Variants in SPAG9 observed in about 807,000 individuals in gnomAD.
The protein encoded by SPAG9 is C-Jun-amino-terminal kinase-interacting protein 4.
A neutral mutation model predicts 166.5 loss-of-function variants in SPAG9; 35 were observed. That is an observed-to-expected ratio of 0.21 (90% CI 0.16 to 0.28). SPAG9 has a LOEUF of 0.28. Ranked by LOEUF, SPAG9 falls within the 10% of genes least tolerant of loss-of-function variation. The pLI is 1.00. For synonymous variants in SPAG9, 534 were observed against 565.5 expected (o/e 0.94, Z 0.79); for missense variants, 1,235 against 1,603.3 (o/e 0.77, Z 3.92).
At chr17:51,031,932 C>G in intron 5 of SPAG9, 1 of 666,934 alleles carries the variant, frequency 1.5e-6, no homozygotes, top group Non-Finnish European at 2.8e-6. Context: ...CAGAAGCCAC[C>G]ACTTGGATCA....
intron 1 of SPAG9, among the ~76,000 whole-genome samples, chr17:51,100,474 G>A (rs1218328361): frequency 1.3e-5 from 2 of 152,142 alleles, no homozygotes; most frequent in East Asian, 3.9e-4. Context: ...ACATGGTGGT[G>A]TCTGGCTTGA....
At position 51,120,498 on chromosome 17, in the gene SPAG9, C is replaced by T. The variant is rs756812720; in HGVS notation, c.159G>A (p.Leu53=). The T allele has an allele frequency of 4.3e-6, 7 of 1,613,914 alleles. No homozygotes were observed. In the African/African-American group the frequency reaches 6.7e-5, roughly 15 times the overall value. ...CCAGGTTCTCCAGCACAGCCACCACCAGCGGCATCAGCTCTTTGACCACCT... is the reference window on the plus strand; with the variant it reads ...CCAGGTTCTCCAGCACAGCCACCACTAGCGGCATCAGCTCTTTGACCACCT... The part of the protein sequence containing the change: ...DEEVVKELMP[L]VVAVLENLDS... The change falls in exon 1 of 30, where the codon CTG becomes CTA. Residue 53 remains leucine (L), a synonymous_variant. Transcript: ENST00000262013. The surrounding 1 kb of genome is among the most constrained non-coding windows in gnomAD (Gnocchi z 4.7).
intron 7 of SPAG9, 118 bp from the exon 8 acceptor site, chr17:51,020,376 A>C (rs945492724): frequency 4.6e-6 from 3 of 646,604 alleles, no homozygotes; most frequent in Admixed American, 5.8e-5. Context: ...AAAATGTGCA[A>C]GACTGGATTT....
chr17:51,107,308 G>A (rs2048980225), intron 1 of SPAG9, among the ~76,000 whole-genome samples: 2 of 152,052 alleles, frequency 1.3e-5, no homozygotes, highest in Non-Finnish European at 2.9e-5. Flanking sequence ...CAGCACCTTG[G>A]GAGGCCAAGG....
intron 23 of SPAG9, 121 bp from the exon 24 acceptor site, chr17:50,985,111 C>T: frequency 1.3e-6 from 1 of 751,054 alleles, no homozygotes; most frequent in East Asian, 2.5e-5. Context: ...GGAGCTGACA[C>T]CTGAATATAA....
At chr17:51,022,886 G>A (rs1016069832) in intron 6 of SPAG9, among the ~76,000 whole-genome samples, 4 of 150,370 alleles carry the variant, frequency 2.7e-5, no homozygotes, top group Non-Finnish European at 4.4e-5. Flanking sequence ...GGAGGCAGAG[G>A]TTGCAGTGAG....
chr17:50,980,646 T>C (rs935933418), intron 25 of SPAG9, among the ~76,000 whole-genome samples: 11 of 151,720 alleles, frequency 7.3e-5, no homozygotes, highest in African/African-American at 2.2e-4. Context: ...GGTGGGAGGA[T>C]CTCTTGAACA....
chr17:51,001,074 T>A (rs2044928004), intron 13 of SPAG9, among the ~76,000 whole-genome samples: 1 of 152,220 alleles, frequency 6.6e-6, no homozygotes, highest in Admixed American at 6.5e-5. Flanking sequence ...AATTAGAGAA[T>A]GTGTTCATAA....
intron 2 of SPAG9, among the ~76,000 whole-genome samples, chr17:51,058,511 A>AT (rs2047419334): frequency 1.3e-5 from 2 of 152,224 alleles, no homozygotes; most frequent in Admixed American, 1.3e-4. Flanking sequence ...TTACCATGCT[A>AT]TACTGCTTCT....
chr17:51,092,851 T>A (rs903328150), intron 1 of SPAG9, among the ~76,000 whole-genome samples: 1 of 151,684 alleles, frequency 6.6e-6, no homozygotes. Context: ...ACTGGGAGGA[T>A]TGCTTTAGCC....
chr17:51,110,782 T>C (rs1370380028), intron 1 of SPAG9, among the ~76,000 whole-genome samples: 1 of 152,248 alleles, frequency 6.6e-6, no homozygotes, highest in African/African-American at 2.4e-5. Flanking sequence ...TTTTTGGGTG[T>C]GCCTATTATG....
At chr17:51,103,802 C>T (rs998925691) in intron 1 of SPAG9, among the ~76,000 whole-genome samples, 1 of 152,130 alleles carries the variant, frequency 6.6e-6, no homozygotes, top group African/African-American at 2.4e-5. Flanking sequence ...ATAGGTTGGC[C>T]ATACTGGAAG....
chr17:51,084,027 T>C (rs2048241591), intron 1 of SPAG9: 1 of 151,988 alleles, frequency 6.6e-6, no homozygotes. Context: ...TGACCATATA[T>C]AGGAAAAGTA....
intron 8 of SPAG9, among the ~76,000 whole-genome samples, chr17:51,015,322 CAGA>C (rs2045651392): frequency 6.6e-6 from 1 of 151,956 alleles, no homozygotes; most frequent in Non-Finnish European, 1.5e-5. Flanking sequence ...GAACATGAAA[CAGA>C]AGGACAGGAT....
intron 6 of SPAG9, among the ~76,000 whole-genome samples, chr17:51,026,106 T>TTTA (rs2046158178): frequency 6.6e-6 from 1 of 152,106 alleles, no homozygotes; most frequent in Non-Finnish European, 1.5e-5. Context: ...CTCTTAAATA[T>TTTA]AGAGAAATTA....
chr17:51,109,945 C>T (rs567628361), intron 1 of SPAG9, among the ~76,000 whole-genome samples: 18 of 152,168 alleles, frequency 1.2e-4, no homozygotes, highest in Admixed American at 1.2e-3. Flanking sequence ...CTCATGAGCT[C>T]AAGTGTTCCG....
Position 50,974,787 on chromosome 17 carries a change from G to C in SPAG9, c.3684C>G (p.Phe1228Leu). The change falls in exon 28 of 30, where the codon TTC (phenylalanine) becomes TTG (leucine). Residue 1228 changes from phenylalanine to leucine, a missense_variant. Transcript: ENST00000262013. ...CTAACATACCTGGGACTGCCACAAA[G>C]AATTTCACAGCATCCCGGTGCCCAT... ...CFHGHRDAVK[F>L]FVAVPGQVIS... 6.3e-7 allele frequency: 1 copy of C among 1,599,358 alleles called. No homozygotes were observed. Among genetic ancestry groups the C allele is most frequent in the Non-Finnish European group, 8.5e-7 (1 of 1,176,200 alleles).
At chr17:51,077,182 G>A (rs2048041424) in intron 2 of SPAG9, among the ~76,000 whole-genome samples, 1 of 151,770 alleles carries the variant, frequency 6.6e-6, no homozygotes, top group Non-Finnish European at 1.5e-5. Context: ...CAAGTGTAGT[G>A]GTGTGATCTC....
Position 50,963,013 on chromosome 17 carries a change from A to G in SPAG9, c.*3259T>C, listed in dbSNP as rs1181654985. 1 of 152,226 alleles carries G rather than the reference A, an allele frequency of 6.6e-6. No individual in the cohort carries two copies. Among genetic ancestry groups the G allele is most frequent in the African/African-American group, 2.4e-5 (1 of 41,458 alleles). The allele number at this position is 152,226 out of a possible 1,614,324, so 9.4% of individuals were successfully genotyped here. Reference sequence around the variant, plus strand: ...AATACTCTCAAAAGTGAGTTCCTAGAGAATATTATCCCTTTGCCTCACAGA... The same window carrying G: ...AATACTCTCAAAAGTGAGTTCCTAGGGAATATTATCCCTTTGCCTCACAGA... On this transcript the variant is annotated 3_prime_UTR_variant, in exon 30 of 30. Transcript: ENST00000262013.
Sources: gnomAD v4.1 joint callset for allele counts (sites outside exome capture counted in the v4.1 genomes callset) on GRCh38, gnomAD v4.1.1 for gene constraint, Gnocchi (gnomAD v3.1) non-coding constraint, MANE v1.5 for transcripts, NCBI Gene and HGNC (gene_info 2026-07-23, HGNC 2026-07-21) for gene names.